Variants in SHMT1 observed in about 807,000 individuals in gnomAD.
SHMT1 encodes the protein serine hydroxymethyltransferase 1, also known as serine hydroxymethyltransferase, cytosolic.
In SHMT1, 45 loss-of-function variants were observed where a neutral mutation model predicts 49.0. The ratio of observed to expected loss-of-function variants is 0.92; its 90% CI spans 0.72 to 1.18. The LOEUF is 1.18. Among genes scored for constraint, SHMT1 ranks in the 50% most tolerant of loss-of-function variants. The pLI is 0.00. For missense variants in SHMT1, 541 were observed against 612.4 expected (o/e 0.88, Z 1.23); for synonymous variants, 232 against 246.6 (o/e 0.94, Z 0.55).
intron 5 of SHMT1, among the ~76,000 whole-genome samples, chr17:18,347,112 G>A (rs781733372): frequency 7.2e-5 from 11 of 152,220 alleles, no homozygotes; most frequent in Non-Finnish European, 1.6e-4. Flanking sequence ...GGCCCACAGG[G>A]GCTCCGAGCA....
intron 7 of SHMT1, among the ~76,000 whole-genome samples, chr17:18,339,049 T>TAAAAAAAAA (rs34704448): frequency 4.1e-4 from 11 of 26,868 alleles, no homozygotes; most frequent in African/African-American, 8.9e-4. Flanking sequence ...CAATAAATAC[T>TAAAAAAAAA]AAAAAAAAAA....
chr17:18,358,183 AACG>A (rs1251029065), intron 1 of SHMT1, among the ~76,000 whole-genome samples: 1 of 147,404 alleles, frequency 6.8e-6, no homozygotes, highest in African/African-American at 2.5e-5. Flanking sequence ...AAGAAAGAAA[AACG>A]ACGTTAGAAA....
At chr17:18,356,026 A>G in intron 1 of SHMT1, 26 bp from the exon 2 acceptor site, 1 of 1,040,106 alleles carries the variant, frequency 9.6e-7, no homozygotes, top group Middle Eastern at 2.1e-4. Flanking sequence ...AAACATGTGT[A>G]GCTTCCAGAA....
intron 7 of SHMT1, among the ~76,000 whole-genome samples, chr17:18,336,517 T>A (rs986185304): frequency 2.6e-5 from 4 of 151,024 alleles, no homozygotes; most frequent in African/African-American, 9.8e-5. Flanking sequence ...AATACAAAAA[T>A]TAGCTGGGCA....
intron 1 of SHMT1, among the ~76,000 whole-genome samples, chr17:18,361,708 C>T (rs1284541303): frequency 1.3e-5 from 2 of 152,098 alleles, no homozygotes; most frequent in East Asian, 3.9e-4. Flanking sequence ...ATGGCGTGAA[C>T]CCGGGAGGCG....
At chr17:18,362,047 C>T (rs1191493118) in intron 1 of SHMT1, among the ~76,000 whole-genome samples, 1 of 152,182 alleles carries the variant, frequency 6.6e-6, no homozygotes, top group Non-Finnish European at 1.5e-5. Context: ...TAAGAGGATC[C>T]AGCCAAGGAT....
intron 9 of SHMT1, chr17:18,331,680 A>ACCAGCATCACCC (rs1983226013): frequency 6.6e-6 from 1 of 152,304 alleles, no homozygotes; most frequent in Admixed American, 6.5e-5. Context: ...TGGCTCCCAG[A>ACCAGCATCACCC]CCAGCATCAC....
chr17:18,338,909 G>A lies in SHMT1; in HGVS notation c.814+1134C>T, dbSNP rs370856622. ...AAGTACCCAGGGACACAAACACTGC[G>A]GAAAGCCGCAGGGTCCTCTGCCTAG... On this transcript the variant is annotated intron_variant, in intron 7 of 11. Transcript: ENST00000316694. 9.9e-5 allele frequency among the ~76,000 whole-genome samples: 15 copies of A among 152,110 alleles called. No individual in the cohort carries two copies. The East Asian group carries it at 2.1e-3, about 22-fold the overall frequency.
chr17:18,339,926 A>T, intron 7 of SHMT1, 117 bp downstream of exon 7: 1 of 1,005,576 alleles, frequency 9.9e-7, no homozygotes, highest in Non-Finnish European at 1.5e-6. Context: ...CTGGGATCTT[A>T]ATATTTTCCA....
rs28479066 is a variant in SHMT1, at chr17:18,347,780, C to T, written c.359-124G>A. On this transcript the variant is annotated intron_variant, in intron 4 of 11. Coordinates refer to ENST00000316694, the MANE Select transcript of SHMT1 (RefSeq NM_004169.5). ...GAACAGGCCTTGTACCTTCCCTGAG[C>T]TCCAGGAGGTGCCCCTTCACCACCA... 9,638 of 1,019,650 alleles carry T rather than the reference C, an allele frequency of 9.5e-3. 623 individuals are homozygous for T. In the African/African-American group the frequency reaches 0.13, roughly 14 times the overall value. 63.2% of individuals were successfully genotyped at this position (1,019,650 alleles called of 1,614,324 possible).
chr17:18,358,586 T>C (rs1407246881), intron 1 of SHMT1, among the ~76,000 whole-genome samples: 1 of 151,802 alleles, frequency 6.6e-6, no homozygotes, highest in Non-Finnish European at 1.5e-5. Context: ...ATCCACAGAG[T>C]TCCTGTGAAG....
chr17:18,346,560 G>GT (rs1427204986), intron 5 of SHMT1, among the ~76,000 whole-genome samples: 1 of 152,146 alleles, frequency 6.6e-6, no homozygotes, highest in Non-Finnish European at 1.5e-5. Flanking sequence ...GCGTTATCAG[G>GT]TATGTGCAGT....
intron 4 of SHMT1, 94 bp from the exon 5 acceptor site, chr17:18,347,750 G>A: frequency 5.2e-6 from 7 of 1,355,676 alleles, no homozygotes; most frequent in Non-Finnish European, 7.3e-6. Context: ...ACCCAGGAGT[G>A]GCGAGAACAG....
intron 5 of SHMT1, among the ~76,000 whole-genome samples, 167 bp downstream of exon 5, chr17:18,347,329 C>T (rs1012644358): frequency 6.6e-6 from 1 of 152,186 alleles, no homozygotes; most frequent in African/African-American, 2.4e-5. Context: ...CCCAGCTGCC[C>T]CAGCGGGTCC....
chr17:18,330,845 T>A (rs1241764480), intron 9 of SHMT1, 174 bp from the exon 10 acceptor site: 8 of 669,964 alleles, frequency 1.2e-5, no homozygotes, highest in Admixed American at 8.2e-5. Context: ...TGCCTAAGAA[T>A]GTGAAAGGAA....
intron 3 of SHMT1, 95 bp from the exon 4 acceptor site, chr17:18,348,535 T>A: frequency 2.3e-6 from 2 of 859,782 alleles, no homozygotes; most frequent in Non-Finnish European, 4.0e-6. Flanking sequence ...ACAGTGAAAC[T>A]AAAGTGGAGA....
intron 5 of SHMT1, chr17:18,341,187 A>G: frequency 3.7e-6 from 1 of 269,990 alleles, no homozygotes; most frequent in South Asian, 4.8e-5. Flanking sequence ...AAGTATAATG[A>G]GGCAAGAAAA....
rs1983431071 is a variant in SHMT1, at chr17:18,333,265, C to T, written c.955G>A (p.Ala319Thr). 2.5e-6 allele frequency: 4 copies of T among 1,613,540 alleles called. No individual in the cohort carries two copies. Among genetic ancestry groups the T allele is most frequent in the Non-Finnish European group, 8.5e-7 (1 of 1,179,982 alleles). Residue 319 changes from alanine (A) to threonine (T), a missense_variant, in exon 9 of 12, where the codon GCT (alanine) becomes ACT (threonine). Physicochemically the swap from Ala to Thr is moderately conservative, Grantham distance 58. Coordinates refer to ENST00000316694, the MANE Select transcript of SHMT1 (RefSeq NM_004169.5). Reference protein sequence around the residue: ...IAGVAVALKQAMTLEFKVYQH... With the variant: ...IAGVAVALKQTMTLEFKVYQH... ...TAAACTTTAAATTCCAGAGTCATAG[C>T]TTGCTTCAGTGCCACAGCAACCCCT...
At chr17:18,329,425 T>C (rs1378547585) in intron 10 of SHMT1, 37 bp from the exon 11 acceptor site, 1 of 1,490,866 alleles carries the variant, frequency 6.7e-7, no homozygotes. Context: ...TAAGTCACAT[T>C]GTCACCACTG....
Sources: allele counts gnomAD v4.1 joint callset (sites outside exome capture counted in the v4.1 genomes callset), GRCh38; gene constraint gnomAD v4.1.1; transcripts MANE v1.5; gene names NCBI Gene and HGNC (gene_info 2026-07-23, HGNC 2026-07-21).